Variants in ENTHD1 observed in about 807,000 individuals in gnomAD.
ENTHD1 encodes the protein ENTH domain-containing protein 1.
Under a neutral mutation model 39.1 loss-of-function variants are expected in ENTHD1, and 23 were observed. That is an observed-to-expected ratio of 0.59 (90% CI 0.42 to 0.83). The LOEUF is 0.83. ENTHD1 is among the 40% of genes least tolerant of loss of function. ENTHD1 has a pLI of 0.00. For missense variants in ENTHD1, 624 were observed against 705.4 expected (o/e 0.88, Z 1.31); for synonymous variants, 230 against 258.2 (o/e 0.89, Z 1.05).
chr22:39,802,060 G>T (rs531801049), intron 5 of ENTHD1, among the ~76,000 whole-genome samples: 3 of 152,172 alleles, frequency 2.0e-5, no homozygotes, highest in African/African-American at 4.8e-5. Context: ...AATGTAACAA[G>T]ACATCTAAAA....
intron 1 of ENTHD1, among the ~76,000 whole-genome samples, chr22:39,890,780 G>T (rs532393459): frequency 1.3e-5 from 2 of 152,114 alleles, no homozygotes; most frequent in African/African-American, 4.8e-5. Flanking sequence ...CAAGGAAAAA[G>T]GTCTAGAGAA....
chr22:39,826,599 G>A (rs1193008317), intron 4 of ENTHD1, among the ~76,000 whole-genome samples: 2 of 152,026 alleles, frequency 1.3e-5, no homozygotes, highest in Non-Finnish European at 2.9e-5. Context: ...AAAAGTTCCC[G>A]CTCACCACCG....
At chr22:39,859,840 A>G (rs898639406) in intron 3 of ENTHD1, among the ~76,000 whole-genome samples, 1 of 152,250 alleles carries the variant, frequency 6.6e-6, no homozygotes, top group African/African-American at 2.4e-5. Context: ...CTTCTTGGGT[A>G]CAGGATTGCC....
At chr22:39,807,813 CT>C (rs1182772404) in intron 5 of ENTHD1, among the ~76,000 whole-genome samples, 4 of 151,958 alleles carry the variant, frequency 2.6e-5, no homozygotes, top group African/African-American at 9.7e-5. Context: ...TCAGAGTACA[CT>C]GTCAATAAAC....
intron 6 of ENTHD1, among the ~76,000 whole-genome samples, chr22:39,753,540 A>G (rs2065162677): frequency 6.6e-6 from 1 of 152,216 alleles, no homozygotes; most frequent in South Asian, 2.1e-4. Flanking sequence ...ATATGAGCAT[A>G]CAAGAATTTT....
intron 2 of ENTHD1, among the ~76,000 whole-genome samples, chr22:39,868,423 A>G (rs1265366170): frequency 6.6e-6 from 1 of 152,116 alleles, no homozygotes; most frequent in Non-Finnish European, 1.5e-5. Context: ...AAAATAGCCT[A>G]AACACTAAAA....
At chr22:39,850,371 C>A (rs2066025306) in intron 3 of ENTHD1, among the ~76,000 whole-genome samples, 1 of 152,074 alleles carries the variant, frequency 6.6e-6, no homozygotes, top group South Asian at 2.1e-4. Context: ...GTAGCTACAC[C>A]AGCCTTCTTT....
chr22:39,780,303 G>A (rs1032327868), intron 5 of ENTHD1, among the ~76,000 whole-genome samples: 3 of 151,740 alleles, frequency 2.0e-5, no homozygotes, highest in Admixed American at 1.3e-4. Flanking sequence ...CTTGAACCTA[G>A]GAGGCAGAGG....
intron 2 of ENTHD1, among the ~76,000 whole-genome samples, chr22:39,864,723 C>G (rs1479726800): frequency 6.6e-6 from 1 of 152,024 alleles, no homozygotes; most frequent in African/African-American, 2.4e-5. Context: ...GAAACCCTGT[C>G]TCTACTACAA....
intron 3 of ENTHD1, among the ~76,000 whole-genome samples, chr22:39,837,912 T>C (rs2065917812): frequency 6.6e-6 from 1 of 152,194 alleles, no homozygotes; most frequent in African/African-American, 2.4e-5. Flanking sequence ...TTTATTTGAA[T>C]AAAGTAAGAC....
At chr22:39,756,704 C>T (rs987453447) in intron 6 of ENTHD1, among the ~76,000 whole-genome samples, 5 of 152,094 alleles carry the variant, frequency 3.3e-5, no homozygotes, top group African/African-American at 1.2e-4. Flanking sequence ...AAGTTAAGTA[C>T]CACAGCAATG....
intron 3 of ENTHD1, among the ~76,000 whole-genome samples, chr22:39,838,695 T>A (rs2065923337): frequency 1.3e-5 from 2 of 152,132 alleles, no homozygotes; most frequent in African/African-American, 4.8e-5. Context: ...TTTATGTGGT[T>A]TTGATTGACT....
At chr22:39,788,858 A>G (rs1468701997) in intron 5 of ENTHD1, among the ~76,000 whole-genome samples, 2 of 152,182 alleles carry the variant, frequency 1.3e-5, no homozygotes, top group Admixed American at 6.5e-5. Flanking sequence ...CAACTCACTG[A>G]GGGCTCAGAT....
intron 5 of ENTHD1, among the ~76,000 whole-genome samples, chr22:39,793,344 T>TTG (rs1569142934): frequency 2.2e-5 from 3 of 138,596 alleles, no homozygotes; most frequent in African/African-American, 8.0e-5. Context: ...ATTAGTTGTT[T>TTG]TTTTTTTTTT....
At chr22:39,849,410 A>G (rs997616889) in intron 3 of ENTHD1, among the ~76,000 whole-genome samples, 3 of 152,194 alleles carry the variant, frequency 2.0e-5, no homozygotes, top group Non-Finnish European at 4.4e-5. Flanking sequence ...TAACTACCCT[A>G]CAATGCATAG....
intron 2 of ENTHD1, among the ~76,000 whole-genome samples, chr22:39,885,178 G>A (rs1035191942): frequency 1.9e-4 from 29 of 152,058 alleles, no homozygotes; most frequent in Non-Finnish European, 7.4e-5. Flanking sequence ...GTTAATAATG[G>A]GCAAAGGATT....
intron 5 of ENTHD1, among the ~76,000 whole-genome samples, chr22:39,799,230 G>A (rs76404027): frequency 0.1 from 15,505 of 152,162 alleles, 927 homozygotes; most frequent in Middle Eastern, 0.14. Flanking sequence ...CGGCCCTACC[G>A]CAATTGCGGG....
intron 5 of ENTHD1, among the ~76,000 whole-genome samples, chr22:39,813,778 T>A (rs1200034421): frequency 6.6e-6 from 1 of 152,178 alleles, no homozygotes; most frequent in Non-Finnish European, 1.5e-5. Context: ...TCATTATTAT[T>A]TATAGATTAA....
intron 3 of ENTHD1, among the ~76,000 whole-genome samples, chr22:39,847,176 A>C (rs1162189242): frequency 6.6e-6 from 1 of 152,060 alleles, no homozygotes; most frequent in Non-Finnish European, 1.5e-5. Flanking sequence ...TACACCATGG[A>C]ATACTATGCA....
Sources: gnomAD v4.1 joint callset for allele counts (sites outside exome capture counted in the v4.1 genomes callset) on GRCh38, gnomAD v4.1.1 for gene constraint, MANE v1.5 for transcripts, NCBI Gene and HGNC (gene_info 2026-07-23, HGNC 2026-07-21) for gene names.